PDGFC: variants seen among roughly 807,000 people sequenced by gnomAD.
The protein encoded by PDGFC is platelet-derived growth factor C.
Under a neutral mutation model 35.5 loss-of-function variants are expected in PDGFC, and 12 were observed. The observed-to-expected ratio is 0.34, with a 90% CI of 0.22 to 0.55. The LOEUF is 0.55. PDGFC is among the 20% of genes least tolerant of loss of function. The pLI is 0.91. For synonymous variants in PDGFC, 159 were observed against 148.8 expected, an observed-to-expected ratio of 1.07 and a Z score of -0.50; for missense variants, 322 against 412.4, an observed-to-expected ratio of 0.78 and a Z score of 1.90.
chr4:156,828,918 T>A (rs1313123771), intron 2 of PDGFC, among the ~76,000 whole-genome samples: 5 of 152,210 alleles, frequency 3.3e-5, no homozygotes, highest in African/African-American at 1.2e-4. Context: ...AAAATTAAAG[T>A]TTACTTAGCA....
chr4:156,801,799 G>A (rs535746723), intron 3 of PDGFC, among the ~76,000 whole-genome samples: 1 of 152,204 alleles, frequency 6.6e-6, no homozygotes, highest in East Asian at 1.9e-4. Context: ...AATCACTTGT[G>A]AAAGGAAAAT....
chr4:156,949,455 TTCTC>T (rs957388465), intron 1 of PDGFC, among the ~76,000 whole-genome samples: 2 of 150,442 alleles, frequency 1.3e-5, no homozygotes, highest in African/African-American at 4.9e-5. Context: ...CTCTCGCTCT[TTCTC>T]TCTCTCTCTC....
intron 1 of PDGFC, among the ~76,000 whole-genome samples, chr4:156,954,112 T>C (rs1228116739): frequency 2.0e-5 from 3 of 151,916 alleles, no homozygotes; most frequent in Non-Finnish European, 2.9e-5. Flanking sequence ...CTTACGTAAA[T>C]AGCAGAGGGT....
chr4:156,864,242 G>A (rs1314285155), intron 1 of PDGFC, among the ~76,000 whole-genome samples: 2 of 152,134 alleles, frequency 1.3e-5, no homozygotes, highest in African/African-American at 2.4e-5. Context: ...GAAGGCCACT[G>A]TGTTAAGAAC....
rs751613380 is a variant in PDGFC, at chr4:156,810,977, T to C, written c.355A>G (p.Ile119Val). ...VEVEEPSDGTILGRWCGSGTV... is the reference protein window; with the variant it reads ...VEVEEPSDGTVLGRWCGSGTV... ...CCAGAACCACACCAGCGCCCTAATA[T>C]AGTTCCATCACTGGGTTCCTCAACT... The change falls in exon 3 of 6, where the codon ATA (isoleucine) becomes GTA (valine). Residue 119 changes from isoleucine to valine, a missense_variant. Around this residue, in one of 2 missense-constraint regions of PDGFC, gnomAD observed 202 missense variants for 295.9 expected, o/e 0.68. Transcript: ENST00000502773. 1 of 1,597,914 alleles carries C rather than the reference T, an allele frequency of 6.3e-7. No homozygotes were observed. Among genetic ancestry groups the C allele is most frequent in the Non-Finnish European group, 8.5e-7 (1 of 1,173,466 alleles).
At chr4:156,949,528 T>C (rs1248826116) in intron 1 of PDGFC, among the ~76,000 whole-genome samples, 1 of 151,800 alleles carries the variant, frequency 6.6e-6, no homozygotes, top group Admixed American at 6.6e-5. Context: ...CTCAGGAAAT[T>C]ATTAATGAAG....
intron 1 of PDGFC, among the ~76,000 whole-genome samples, chr4:156,864,363 A>G (rs1190091956): frequency 6.6e-6 from 1 of 152,170 alleles, no homozygotes; most frequent in Non-Finnish European, 1.5e-5. Context: ...GAATTAATTC[A>G]CCATGATATA....
chr4:156,911,002 C>T (rs1056577328), intron 1 of PDGFC, among the ~76,000 whole-genome samples: 1 of 152,122 alleles, frequency 6.6e-6, no homozygotes, highest in African/African-American at 2.4e-5. Context: ...CTCGTCCTTT[C>T]ATCCTCTTAA....
intron 1 of PDGFC, among the ~76,000 whole-genome samples, chr4:156,957,579 G>T (rs1328676439): frequency 6.6e-6 from 1 of 151,834 alleles, no homozygotes; most frequent in Non-Finnish European, 1.5e-5. Context: ...CTTCCTGTGA[G>T]ATTTCCTTTT....
At position 156,867,877 on chromosome 4, in the gene PDGFC, A is replaced by ATT. The variant is rs376160724; in HGVS notation, c.119-17463_119-17462dup. On this transcript the variant is annotated intron_variant, in intron 1 of 5. Transcript: ENST00000502773. ...ATTCAAATTTAAAAAGACCAAATCA[A>ATT]TTTTTTGTTTGTTTTTTTTGAGACA... is the stretch of plus-strand genomic sequence containing the variant. Among the ~76,000 whole-genome samples the ATT allele has an allele frequency of 3.0e-4, 45 of 152,116 alleles. 1 individual carries two copies. Among genetic ancestry groups the ATT allele is most frequent in the African/African-American group, 1.1e-3 (44 of 41,516 alleles).
At chr4:156,939,868 A>G (rs759774303) in intron 1 of PDGFC, among the ~76,000 whole-genome samples, 7 of 152,126 alleles carry the variant, frequency 4.6e-5, no homozygotes, top group African/African-American at 7.2e-5. Context: ...ACTTGGGATT[A>G]CAGTATATAA....
In PDGFC at chr4:156,763,047, T is replaced by C. The variant is rs776030896; in HGVS notation, c.*43A>G. 8 of 975,616 alleles carry C rather than the reference T, an allele frequency of 8.2e-6. No individual in the cohort carries two copies. The highest frequency in any genetic ancestry group is 1.3e-5 in the South Asian group (1 of 77,658). 60.4% of individuals were successfully genotyped at this position (975,616 alleles called of 1,614,324 possible). On this transcript the variant is annotated 3_prime_UTR_variant, in exon 6 of 6. Transcript: ENST00000502773. ...TACGTTCTCTAATAGAATCAGCCAC[T>C]GCACTGCACAGCTCTGGGCAAGAGC...
chr4:156,870,196 T>C (rs1003271397), intron 1 of PDGFC, among the ~76,000 whole-genome samples: 3 of 152,136 alleles, frequency 2.0e-5, no homozygotes, highest in Non-Finnish European at 4.4e-5. Flanking sequence ...CCCCACTTCA[T>C]CTCTCTAACA....
At chr4:156,773,912 A>C (rs1434083750) in intron 3 of PDGFC, among the ~76,000 whole-genome samples, 1 of 152,164 alleles carries the variant, frequency 6.6e-6, no homozygotes, top group Non-Finnish European at 1.5e-5. Flanking sequence ...ATAGGAAAAC[A>C]CTAACACATC....
chr4:156,839,381 C>T (rs1217369286), intron 2 of PDGFC, among the ~76,000 whole-genome samples: 1 of 152,180 alleles, frequency 6.6e-6, no homozygotes, highest in East Asian at 1.9e-4. Flanking sequence ...CTAGGCACTT[C>T]TTCCTGCCCC....
intron 1 of PDGFC, among the ~76,000 whole-genome samples, chr4:156,946,927 T>C (rs1473397369): frequency 6.6e-6 from 1 of 152,040 alleles, no homozygotes; most frequent in Non-Finnish European, 1.5e-5. Context: ...TAATTTTTAA[T>C]GTTACTTCAG....
chr4:156,823,365 T>C (rs74868281), intron 2 of PDGFC, among the ~76,000 whole-genome samples: 9,047 of 152,280 alleles, frequency 0.059, 887 homozygotes, highest in African/African-American at 0.21. Context: ...AAGACTGTTG[T>C]GAAGATTAAA....
intron 1 of PDGFC, among the ~76,000 whole-genome samples, chr4:156,858,719 T>G (rs1313581054): frequency 6.6e-6 from 1 of 152,142 alleles, no homozygotes; most frequent in East Asian, 1.9e-4. Flanking sequence ...AGCAGAATAA[T>G]ACATTTACAC....
intron 1 of PDGFC, among the ~76,000 whole-genome samples, chr4:156,917,540 C>A (rs879432844): frequency 6.6e-6 from 1 of 152,160 alleles, no homozygotes; most frequent in Admixed American, 6.5e-5. Context: ...ATAATCCCCA[C>A]GTGGAACTTA....
Sources: allele counts gnomAD v4.1 joint callset (sites outside exome capture counted in the v4.1 genomes callset), GRCh38; gene constraint gnomAD v4.1.1; regional missense constraint gnomAD v4.1.1; transcripts MANE v1.5; gene names NCBI Gene and HGNC (gene_info 2026-07-23, HGNC 2026-07-21).